NOL4: variants seen among roughly 807,000 people sequenced by gnomAD.
The protein encoded by NOL4 is nucleolar protein 4, also known as cancer/testis antigen 125.
A neutral mutation model predicts 75.9 loss-of-function variants in NOL4; 17 were observed. The ratio of observed to expected loss-of-function variants is 0.22; its 90% confidence interval spans 0.15 to 0.34. The LOEUF is 0.34. Ranked by LOEUF, NOL4 falls within the 10% of genes least tolerant of loss-of-function variation. The probability of loss-of-function intolerance (pLI) is 1.00; values close to 1 mark genes in which losing one functional copy is unlikely to be tolerated. For synonymous variants in NOL4, 292 were observed against 289.9 expected, an observed-to-expected ratio of 1.01 and a Z score of -0.07; for missense variants, 614 against 793.5, an observed-to-expected ratio of 0.77 and a Z score of 2.72.
chr18:34,128,892 G>T, intron 2 of NOL4: 1 of 958,276 alleles, frequency 1.0e-6, no homozygotes, highest in Non-Finnish European at 1.2e-6. Context: ...TTCTGTATCT[G>T]AAAAAAAAAT....
At chr18:34,119,508 C>T (rs2080020729) in intron 2 of NOL4, among the ~76,000 whole-genome samples, 1 of 152,100 alleles carries the variant, frequency 6.6e-6, no homozygotes, top group African/African-American at 2.4e-5. Context: ...TCTTTTTCTC[C>T]CTTCTTCTCT....
intron 9 of NOL4, among the ~76,000 whole-genome samples, chr18:33,886,553 T>C (rs565063754): frequency 4.1e-5 from 6 of 148,132 alleles, no homozygotes; most frequent in Non-Finnish European, 7.5e-5. Context: ...AAAAAAGAAA[T>C]AATGAACTAT....
intron 1 of NOL4, among the ~76,000 whole-genome samples, chr18:34,215,839 T>C (rs996388928): frequency 1.3e-5 from 2 of 152,190 alleles, no homozygotes; most frequent in Non-Finnish European, 2.9e-5. Flanking sequence ...TAGTCTACTG[T>C]TGACTGCAAG....
At chr18:33,919,557 TAAAC>T (rs2145247622) in intron 9 of NOL4, among the ~76,000 whole-genome samples, 1 of 152,324 alleles carries the variant, frequency 6.6e-6, no homozygotes, top group African/African-American at 2.4e-5. Flanking sequence ...ATGGGGCACA[TAAAC>T]AAAAGACATG....
Position 34,172,224 on chromosome 18 carries a change from A to G in NOL4, c.265-42204T>C, listed in dbSNP as rs1050689407. 2.0e-5 allele frequency among the ~76,000 whole-genome samples: 3 copies of G among 152,282 alleles called. No homozygotes were observed. In the East Asian group the frequency reaches 5.8e-4, roughly 29 times the overall value. On this transcript the variant is annotated intron_variant, in intron 1 of 10. Coordinates refer to ENST00000261592, the MANE Select transcript of NOL4 (RefSeq NM_003787.5). ...CAGCATTATTTAAAGCAAATGAACT[A>G]AATATTTTTGGATAACTACATCAAA...
intron 2 of NOL4, among the ~76,000 whole-genome samples, chr18:34,118,440 ATAAAAT>A (rs1164831378): frequency 6.6e-6 from 1 of 152,204 alleles, no homozygotes; most frequent in East Asian, 1.9e-4. Flanking sequence ...TTTGTAAAAC[ATAAAAT>A]TGAAATTAAA....
chr18:34,064,933 AC>A (rs1249752191), intron 5 of NOL4, among the ~76,000 whole-genome samples: 2 of 151,346 alleles, frequency 1.3e-5, no homozygotes, highest in African/African-American at 2.4e-5. Flanking sequence ...ACACACACAC[AC>A]ACACACACAC....
At chr18:34,106,459 T>G (rs1037351318) in intron 2 of NOL4, among the ~76,000 whole-genome samples, 4 of 152,022 alleles carry the variant, frequency 2.6e-5, no homozygotes, top group African/African-American at 9.7e-5. Context: ...AATCTGCCAT[T>G]GATAATCCAT....
intron 1 of NOL4, among the ~76,000 whole-genome samples, chr18:34,142,663 A>G (rs1277906226): frequency 6.6e-6 from 1 of 152,104 alleles, no homozygotes; most frequent in Non-Finnish European, 1.5e-5. Context: ...GGGGAACATC[A>G]CACACTGGGG....
intron 1 of NOL4, chr18:34,222,105 G>A (rs751995598): frequency 1.3e-6 from 2 of 1,534,632 alleles, no homozygotes; most frequent in Non-Finnish European, 1.7e-6. Context: ...GAAGAAAATC[G>A]ACGCTGCTGC....
At chr18:34,053,722 T>A (rs1176352390) in intron 5 of NOL4, among the ~76,000 whole-genome samples, 1 of 151,994 alleles carries the variant, frequency 6.6e-6, no homozygotes, top group African/African-American at 2.4e-5. Flanking sequence ...GATAAATGTT[T>A]AATAACCAGT....
At position 34,167,720 on chromosome 18, in the gene NOL4, C is replaced by G. The variant is rs144160362; in HGVS notation, c.265-37700G>C. Among the ~76,000 whole-genome samples the G allele has an allele frequency of 3.1e-3, 471 of 152,102 alleles. 1 individual carries two copies. Among genetic ancestry groups the G allele is most frequent in the African/African-American group, 0.011 (449 of 41,530 alleles). ...ATGAAACCAGATTAGTGAGCTATAACAGAAAACTAGAGCAGAGGCCTATCT... is the reference window on the plus strand; with the variant it reads ...ATGAAACCAGATTAGTGAGCTATAAGAGAAAACTAGAGCAGAGGCCTATCT... On this transcript the variant is annotated intron_variant, in intron 1 of 10. Coordinates refer to ENST00000261592, the MANE Select transcript of NOL4 (RefSeq NM_003787.5).
At chr18:34,130,939 G>A (rs1382095849) in intron 1 of NOL4, among the ~76,000 whole-genome samples, 1 of 152,030 alleles carries the variant, frequency 6.6e-6, no homozygotes, top group Non-Finnish European at 1.5e-5. Context: ...AGAACAAAGA[G>A]TTTTCATGGA....
chr18:34,155,049 A>G (rs2030106199), intron 1 of NOL4, among the ~76,000 whole-genome samples: 1 of 151,928 alleles, frequency 6.6e-6, no homozygotes, highest in Non-Finnish European at 1.5e-5. Flanking sequence ...GCCAATTTGT[A>G]ACTTTCTTCT....
At chr18:33,936,660 G>A (rs1398162327) in intron 9 of NOL4, among the ~76,000 whole-genome samples, 3 of 152,044 alleles carry the variant, frequency 2.0e-5, no homozygotes, top group African/African-American at 4.8e-5. Flanking sequence ...CTGGGCTCCT[G>A]CTGGGGAAGC....
intron 10 of NOL4, among the ~76,000 whole-genome samples, chr18:33,881,627 G>T (rs1478404082): frequency 1.3e-5 from 2 of 151,926 alleles, no homozygotes; most frequent in African/African-American, 4.8e-5. Context: ...TGGCCATACT[G>T]CCCAAGGTAA....
chr18:33,974,774 A>G (rs1009275537), intron 6 of NOL4, among the ~76,000 whole-genome samples: 1 of 152,168 alleles, frequency 6.6e-6, no homozygotes, highest in Non-Finnish European at 1.5e-5. Flanking sequence ...AAAATTCACT[A>G]TCTGTGAAGT....
At chr18:33,869,119 A>T (rs1012202503) in intron 10 of NOL4, among the ~76,000 whole-genome samples, 1 of 151,792 alleles carries the variant, frequency 6.6e-6, no homozygotes, top group Non-Finnish European at 1.5e-5. Flanking sequence ...AAGTCCCTCA[A>T]ATTTTACTGT....
intron 4 of NOL4, among the ~76,000 whole-genome samples, chr18:34,096,285 T>C (rs145525074): frequency 2.2e-4 from 33 of 152,186 alleles, no homozygotes; most frequent in African/African-American, 7.0e-4. Flanking sequence ...CACTACTACA[T>C]ATGAAATATA....
Sources: allele counts gnomAD v4.1 joint callset (sites outside exome capture counted in the v4.1 genomes callset), GRCh38; gene constraint gnomAD v4.1.1; transcripts MANE v1.5; gene names NCBI Gene and HGNC (gene_info 2026-07-23, HGNC 2026-07-21).